CUL1: variants seen among roughly 807,000 people sequenced by gnomAD.
The protein encoded by CUL1 is cullin 1, also known as cullin-1.
CUL1 carries 24 observed loss-of-function variants against 118.0 expected under a neutral mutation model. The observed-to-expected ratio is 0.20, with a 90% CI of 0.15 to 0.29. The LOEUF (loss-of-function observed/expected upper bound fraction) is 0.29. CUL1 is among the 10% of genes least tolerant of loss of function. The pLI, the probability that CUL1 is intolerant of heterozygous loss-of-function variation, is 1.00. For synonymous variants in CUL1, 332 were observed against 340.4 expected (o/e 0.98, Z 0.27); for missense variants, 361 against 933.8 (o/e 0.39, Z 7.99).
intron 6 of CUL1, 88 bp from the exon 7 acceptor site, chr7:148,760,245 C>A: frequency 2.7e-6 from 3 of 1,127,228 alleles, no homozygotes; most frequent in Non-Finnish European, 2.5e-6. Flanking sequence ...TTAAACATAA[C>A]TTAAACTGAA....
intron 7 of CUL1, among the ~76,000 whole-genome samples, chr7:148,761,123 T>C (rs1799813219): frequency 6.6e-6 from 1 of 152,176 alleles, no homozygotes; most frequent in African/African-American, 2.4e-5. Flanking sequence ...CACCTGGGCC[T>C]CCGAAAGTGC....
At chr7:148,711,212 C>T (rs1452432522) in intron 1 of CUL1, among the ~76,000 whole-genome samples, 1 of 152,202 alleles carries the variant, frequency 6.6e-6, no homozygotes, top group African/African-American at 2.4e-5. Context: ...ACTCTCTCCC[C>T]AGTGTCCATA....
At chr7:148,750,426 TCTC>T (rs907742557) in intron 2 of CUL1, among the ~76,000 whole-genome samples, 9 of 152,064 alleles carry the variant, frequency 5.9e-5, no homozygotes, top group African/African-American at 2.2e-4. Context: ...ATTAGGTATT[TCTC>T]CTGATGCTGT....
chr7:148,790,223 A>G (rs1800958631), intron 15 of CUL1, 87 bp from the exon 16 acceptor site: 3 of 1,415,964 alleles, frequency 2.1e-6, no homozygotes, highest in East Asian at 4.5e-5. Flanking sequence ...TTGTACTGTA[A>G]GCTTGGAACA....
chr7:148,725,219 G>GCGCACACACA, intron 1 of CUL1, among the ~76,000 whole-genome samples: 7,086 of 140,042 alleles, frequency 0.051, 191 homozygotes, highest in Non-Finnish European at 0.059. Flanking sequence ...ACACGCGCGC[G>GCGCACACACA]CTCACACACA....
intron 2 of CUL1, among the ~76,000 whole-genome samples, chr7:148,746,053 T>C (rs1392889413): frequency 6.6e-6 from 1 of 152,128 alleles, no homozygotes; most frequent in African/African-American, 2.4e-5. Flanking sequence ...TTGTTTCAAT[T>C]GTGCCTTTCA....
chr7:148,759,705 C>T lies in CUL1; in HGVS notation c.625+67C>T, dbSNP rs1361302753. The stretch of plus-strand genomic sequence containing the variant: ...AATGGCAATTACAACAATGCTCTAA[C>T]AGATGTCATTTTTAAAATATTTTAA... On this transcript the variant is annotated intron_variant, in intron 6 of 21. Transcript: ENST00000325222. 6.7e-6 allele frequency: 5 copies of T among 743,492 alleles called. No homozygotes were observed. In the Admixed American group the frequency reaches 1.4e-4, roughly 20 times the overall value. The allele number at this position is 743,492 out of a possible 1,614,324, so 46.1% of individuals were successfully genotyped here. A position where few individuals can be genotyped will look rare whatever the true frequency, so the allele number is the denominator to read the frequency against.
intron 15 of CUL1, among the ~76,000 whole-genome samples, chr7:148,790,043 T>C (rs562575947): frequency 2.2e-4 from 33 of 152,382 alleles, no homozygotes; most frequent in African/African-American, 7.9e-4. Context: ...CAGACATGTT[T>C]CCTTATCTTG....
intron 2 of CUL1, among the ~76,000 whole-genome samples, chr7:148,737,580 TTATTTA>T (rs1798997681): frequency 3.0e-5 from 2 of 67,516 alleles, no homozygotes; most frequent in African/African-American, 1.4e-4. Flanking sequence ...ATTTTTATAT[TTATTTA>T]TTTATTTATT....
At chr7:148,728,109 C>T (rs985672639) in intron 1 of CUL1, among the ~76,000 whole-genome samples, 10 of 152,094 alleles carry the variant, frequency 6.6e-5, no homozygotes, top group Non-Finnish European at 1.3e-4. Flanking sequence ...TGAGCTAATG[C>T]ATTTGAAATG....
intron 9 of CUL1, among the ~76,000 whole-genome samples, chr7:148,777,646 C>G (rs548544780): frequency 6.6e-6 from 1 of 152,260 alleles, no homozygotes; most frequent in South Asian, 2.1e-4. Flanking sequence ...TGTGCTCATT[C>G]CAATCCTACG....
Position 148,783,859 on chromosome 7 carries a change from A to G in CUL1, c.1160A>G (p.Asn387Ser), listed in dbSNP as rs758044206. Residue 387 changes from asparagine (N) to serine (S), a missense_variant, in exon 10 of 22, where the codon AAT becomes AGT. Physicochemically the swap from Asn to Ser is conservative, Grantham distance 46 (BLOSUM62 1). Around this residue, in one of 7 missense-constraint regions of CUL1, gnomAD observed 169 missense variants for 429.7 expected, o/e 0.39. Coordinates refer to ENST00000325222, the MANE Select transcript of CUL1 (RefSeq NM_003592.3). The part of the protein sequence containing the change: ...YNALVMSAFN[N>S]DAGFVAALDK... ...GCCCTGGTAATGTCTGCATTCAACA[A>G]TGACGCTGGCTTTGTGGCTGCTCTT... 6 of 1,614,108 alleles carry G rather than the reference A, an allele frequency of 3.7e-6. No homozygotes were observed. The highest frequency in any genetic ancestry group is 1.1e-5 in the South Asian group (1 of 91,094).
chr7:148,744,397 AGT>A (rs56093418), intron 2 of CUL1, among the ~76,000 whole-genome samples: 14,826 of 143,818 alleles, frequency 0.1, 865 homozygotes, highest in African/African-American at 0.17. Context: ...TTGTTTCTGC[AGT>A]GTGTGTGTGT....
At chr7:148,724,229 C>A (rs1409893589) in intron 1 of CUL1, among the ~76,000 whole-genome samples, 1 of 152,196 alleles carries the variant, frequency 6.6e-6, no homozygotes. Flanking sequence ...GAGAAACAGC[C>A]TGTTTGATTA....
chr7:148,702,306 T>A (rs1797745284), intron 1 of CUL1, among the ~76,000 whole-genome samples: 1 of 152,234 alleles, frequency 6.6e-6, no homozygotes, highest in African/African-American at 2.4e-5. Context: ...TTATTTTTGC[T>A]TAGGTATAGA....
Position 148,729,988 on chromosome 7 carries a change from C to G in CUL1, c.-135C>G. ...TTTGCCTGCAATGAGATTTCATTCT[C>G]TACATTTAAAGGACATCCTTTCTGA... On this transcript the variant is annotated 5_prime_UTR_variant, in exon 2 of 22. Transcript: ENST00000325222. The G allele has an allele frequency of 1.0e-6, 1 of 996,136 alleles. No individual in the cohort carries two copies. Among genetic ancestry groups the G allele is most frequent in the South Asian group, 1.9e-5 (1 of 53,682 alleles). 61.7% of individuals were successfully genotyped at this position (996,136 alleles called of 1,614,324 possible). A position where few individuals can be genotyped will look rare whatever the true frequency, so the allele number is the denominator to read the frequency against.
At chr7:148,725,219 G>GCACACA in intron 1 of CUL1, among the ~76,000 whole-genome samples, 27 of 140,150 alleles carry the variant, frequency 1.9e-4, no homozygotes, top group Admixed American at 2.8e-4. Flanking sequence ...ACACGCGCGC[G>GCACACA]CTCACACACA....
intron 2 of CUL1, among the ~76,000 whole-genome samples, chr7:148,752,695 C>CT (rs1195851921): frequency 6.6e-6 from 1 of 152,176 alleles, no homozygotes; most frequent in East Asian, 1.9e-4. Context: ...GTCGCCCAGG[C>CT]TGGAGTGCAG....
At chr7:148,799,880 T>G (rs987294770) in intron 21 of CUL1, among the ~76,000 whole-genome samples, 7 of 152,330 alleles carry the variant, frequency 4.6e-5, no homozygotes, top group Non-Finnish European at 1.0e-4. Flanking sequence ...ATGGGTGTTG[T>G]GTTATGGGAA....
Sources: allele counts gnomAD v4.1 joint callset (sites outside exome capture counted in the v4.1 genomes callset), GRCh38; gene constraint gnomAD v4.1.1; regional missense constraint gnomAD v4.1.1; transcripts MANE v1.5; gene names NCBI Gene and HGNC (gene_info 2026-07-23, HGNC 2026-07-21).